SYT2: variants seen among roughly 807,000 people sequenced by gnomAD.
SYT2 encodes synaptotagmin 2.
Under a neutral mutation model 39.9 loss-of-function variants are expected in SYT2, and 15 were observed. That is an observed-to-expected ratio of 0.38 (90% confidence interval 0.25 to 0.58). The LOEUF (loss-of-function observed/expected upper bound fraction) is 0.58, where lower values mean the gene tolerates loss of function less well. Among genes scored for constraint, SYT2 ranks in the 20% least tolerant of loss-of-function variants. SYT2 has a pLI of 0.70. For synonymous variants in SYT2, 181 were observed against 204.5 expected (o/e 0.89, Z 0.98); for missense variants, 389 against 530.3 (o/e 0.73, Z 2.62).
chr1:202,622,288 C>A (rs1691222354), intron 1 of SYT2, among the ~76,000 whole-genome samples: 1 of 152,314 alleles, frequency 6.6e-6, no homozygotes, highest in Non-Finnish European at 1.5e-5. Context: ...AATTAATTTT[C>A]TAGCTCATTC....
chr1:202,680,706 C>A (rs1231097682), intron 1 of SYT2, among the ~76,000 whole-genome samples: 1 of 152,214 alleles, frequency 6.6e-6, no homozygotes, highest in African/African-American at 2.4e-5. Context: ...CCCCTCTCTG[C>A]TTTTCTCCAT....
intron 1 of SYT2, among the ~76,000 whole-genome samples, chr1:202,647,084 G>C (rs1692100362): frequency 6.6e-6 from 1 of 152,196 alleles, no homozygotes; most frequent in South Asian, 2.1e-4. Context: ...ATGGTGGCCA[G>C]GGTAGGGTTG....
In SYT2 at chr1:202,660,964, A is replaced by T. The variant is rs113686628; in HGVS notation, c.-18+49294T>A. Among the ~76,000 whole-genome samples the T allele has an allele frequency of 8.1e-3, 1,240 of 152,230 alleles. 14 individuals are homozygous for T. Among genetic ancestry groups the T allele is most frequent in the African/African-American group, 0.028 (1,162 of 41,534 alleles). ...AGTGCTTTGCTTCTTCTGCCACAGT[A>T]TCATACTTCTGCATCCCTTTCCTCA... On this transcript the variant is annotated intron_variant, in intron 1 of 8. Coordinates refer to ENST00000367268, the MANE Select transcript of SYT2 (RefSeq NM_177402.5).
chr1:202,678,009 C>G (rs1572674099), intron 1 of SYT2, among the ~76,000 whole-genome samples: 1 of 152,300 alleles, frequency 6.6e-6, no homozygotes, highest in East Asian at 1.9e-4. Flanking sequence ...CACAATGGCT[C>G]ATGCCTGTAA....
At chr1:202,692,217 C>T (rs1653854681) in intron 1 of SYT2, among the ~76,000 whole-genome samples, 1 of 152,114 alleles carries the variant, frequency 6.6e-6, no homozygotes, top group South Asian at 2.1e-4. Flanking sequence ...CCTCTAACCC[C>T]TATGTAGCTT....
chr1:202,667,181 T>C (rs886437145), intron 1 of SYT2, among the ~76,000 whole-genome samples: 3 of 152,064 alleles, frequency 2.0e-5, no homozygotes, highest in African/African-American at 4.8e-5. Context: ...AAAGAGCTAC[T>C]ACCACTCCTA....
intron 1 of SYT2, among the ~76,000 whole-genome samples, chr1:202,631,368 C>T (rs1403187922): frequency 2.0e-5 from 3 of 152,182 alleles, no homozygotes; most frequent in Non-Finnish European, 4.4e-5. Context: ...GTAATGGTCC[C>T]CGTAAACACA....
intron 1 of SYT2, among the ~76,000 whole-genome samples, chr1:202,656,126 G>A (rs996231912): frequency 3.3e-5 from 5 of 150,182 alleles, no homozygotes; most frequent in South Asian, 2.1e-4. Flanking sequence ...GCTTTGGAAC[G>A]CACACACACA....
chr1:202,637,598 G>GGAGCAGGCAGGCTTT (rs1302540682), intron 1 of SYT2, among the ~76,000 whole-genome samples: 1 of 152,220 alleles, frequency 6.6e-6, no homozygotes, highest in African/African-American at 2.4e-5. Context: ...AGGCAGGCTT[G>GGAGCAGGCAGGCTTT]GAGCTGGCAG....
intron 1 of SYT2, among the ~76,000 whole-genome samples, chr1:202,706,959 G>A (rs550545496): frequency 1.3e-5 from 2 of 152,350 alleles, no homozygotes; most frequent in South Asian, 4.1e-4. Context: ...AGATCATCCT[G>A]TTACATGCTC....
chr1:202,624,458 G>T (rs1200269267), intron 1 of SYT2, among the ~76,000 whole-genome samples: 3 of 151,588 alleles, frequency 2.0e-5, no homozygotes, highest in African/African-American at 7.3e-5. Context: ...ATGTGTTGTG[G>T]TCTGTTGTGT....
At chr1:202,619,510 C>T (rs1036106998) in intron 1 of SYT2, among the ~76,000 whole-genome samples, 3 of 152,184 alleles carry the variant, frequency 2.0e-5, no homozygotes, top group African/African-American at 7.2e-5. Context: ...GCTTGGCCTG[C>T]ATCAAGACCC....
chr1:202,620,230 T>G (rs1257638971), intron 1 of SYT2, among the ~76,000 whole-genome samples: 1 of 152,234 alleles, frequency 6.6e-6, no homozygotes, highest in African/African-American at 2.4e-5. Context: ...TGTGACAGTG[T>G]CAGTCCCAAG....
intron 1 of SYT2, among the ~76,000 whole-genome samples, chr1:202,662,171 C>T (rs1448325596): frequency 6.6e-6 from 1 of 152,212 alleles, no homozygotes; most frequent in Non-Finnish European, 1.5e-5. Context: ...ATAAGAAGGG[C>T]ATCCCAGGCA....
chr1:202,636,407 C>T (rs1281324239), intron 1 of SYT2: 1 of 985,204 alleles, frequency 1.0e-6, no homozygotes, highest in Non-Finnish European at 1.2e-6. Context: ...CCAACCTGTG[C>T]ATCCGCTAGG....
chr1:202,647,462 C>CG (rs1348230708), intron 1 of SYT2, among the ~76,000 whole-genome samples: 1 of 152,086 alleles, frequency 6.6e-6, no homozygotes. Context: ...GGCTTCCCCC[C>CG]CCAACCGTAC....
chr1:202,692,143 G>A (rs1653852533), intron 1 of SYT2, among the ~76,000 whole-genome samples: 1 of 152,054 alleles, frequency 6.6e-6, no homozygotes, highest in African/African-American at 2.4e-5. Context: ...GCGACAGAGG[G>A]AGGGAGGGAG....
At chr1:202,706,710 G>A (rs1654261560) in intron 1 of SYT2, among the ~76,000 whole-genome samples, 1 of 152,192 alleles carries the variant, frequency 6.6e-6, no homozygotes, top group Non-Finnish European at 1.5e-5. Context: ...CTGGAGTCCA[G>A]GAGAAGCCAT....
chr1:202,627,822 C>T (rs1184388030), intron 1 of SYT2, among the ~76,000 whole-genome samples: 2 of 152,198 alleles, frequency 1.3e-5, no homozygotes, highest in African/African-American at 4.8e-5. Flanking sequence ...TGAATAAAAC[C>T]CAACCCCATC....
Sources: gnomAD v4.1 joint callset for allele counts (sites outside exome capture counted in the v4.1 genomes callset) on GRCh38, gnomAD v4.1.1 for gene constraint, MANE v1.5 for transcripts, NCBI Gene and HGNC (gene_info 2026-07-23, HGNC 2026-07-21) for gene names.